Variants in ATP11A observed in about 807,000 individuals in gnomAD.
ATP11A encodes the protein ATPase phospholipid transporting 11A, also known as phospholipid-transporting ATPase IH.
Under a neutral mutation model 154.4 loss-of-function variants are expected in ATP11A, and 81 were observed. That is an observed-to-expected ratio of 0.52 (90% CI 0.44 to 0.63). The LOEUF (loss-of-function observed/expected upper bound fraction) is 0.63, where lower values mean the gene tolerates loss of function less well. ATP11A is among the 30% of genes least tolerant of loss of function. The pLI, the probability that ATP11A is intolerant of heterozygous loss-of-function variation, is 0.00. For synonymous variants in ATP11A, 623 were observed against 585.9 expected (o/e 1.06, Z -0.91); for missense variants, 1,316 against 1,474.3 (o/e 0.89, Z 1.76).
chr13:112,740,039 ATGG>A (rs1008945708), intron 1 of ATP11A, among the ~76,000 whole-genome samples: 1 of 151,990 alleles, frequency 6.6e-6, no homozygotes, highest in African/African-American at 2.4e-5. Context: ...CTAGAATTAG[ATGG>A]TGGTGACGAT....
intron 1 of ATP11A, among the ~76,000 whole-genome samples, chr13:112,724,568 T>C (rs282593): frequency 0.25 from 38,148 of 151,672 alleles, 6,555 homozygotes; most frequent in African/African-American, 0.49. Flanking sequence ...CATCACTGCT[T>C]GGGGGTCTCA....
rs995973314 is a variant in ATP11A, at chr13:112,882,353, A to G, written c.*487A>G. 10 of 373,030 alleles carry G rather than the reference A, an allele frequency of 2.7e-5. No individual in the cohort carries two copies. The highest frequency in any genetic ancestry group is 4.6e-5 in the Non-Finnish European group (9 of 197,320). 23.1% of individuals were successfully genotyped at this position (373,030 alleles called of 1,614,324 possible). On this transcript the variant is annotated 3_prime_UTR_variant, in exon 30 of 30. Transcript: ENST00000375645. This position sits in a 1 kb window ranked among gnomAD's most constrained non-coding sequence, Gnocchi z 5.1. ...TGTCACTGGGAGAGAAGAGCCGTCC[A>G]GGGACCCATGGTGGCCCACATGTGG...
At position 112,827,984 on chromosome 13, in the gene ATP11A, C is replaced by G. The variant is rs76749530; in HGVS notation, c.1221+1093C>G. 2.9e-3 allele frequency among the ~76,000 whole-genome samples: 446 copies of G among 152,382 alleles called. 3 individuals carry two copies. Among genetic ancestry groups the G allele is most frequent in the African/African-American group, 9.4e-3 (392 of 41,588 alleles). ...GTATTTTTATCTAGGAATATTCTAT[C>G]TCCTTTGCAACAATAGATGGTACAT... On this transcript the variant is annotated intron_variant, in intron 12 of 29. Coordinates refer to ENST00000375645, the MANE Select transcript of ATP11A (RefSeq NM_015205.3).
At chr13:112,730,162 G>A (rs1393125250) in intron 1 of ATP11A, among the ~76,000 whole-genome samples, 2 of 152,212 alleles carry the variant, frequency 1.3e-5, no homozygotes, top group Non-Finnish European at 2.9e-5. Flanking sequence ...GGAGCCGTGG[G>A]GCTGGTGACC....
intron 2 of ATP11A, among the ~76,000 whole-genome samples, chr13:112,802,355 AAAG>A (rs1168807606): frequency 2.6e-5 from 4 of 152,126 alleles, no homozygotes; most frequent in Non-Finnish European, 5.9e-5. Context: ...CACAAAAAAA[AAAG>A]AAAAGAATAG....
At chr13:112,726,997 TTAC>T (rs945438138) in intron 1 of ATP11A, among the ~76,000 whole-genome samples, 3 of 152,258 alleles carry the variant, frequency 2.0e-5, no homozygotes. Context: ...TGCGAATTTC[TTAC>T]TATAACTTGG....
chr13:112,842,442 C>T (rs1390242631), intron 17 of ATP11A, 63 bp downstream of exon 17: 17 of 1,199,860 alleles, frequency 1.4e-5, no homozygotes, highest in Middle Eastern at 1.9e-4. Context: ...GAAGGAATTC[C>T]ATGTTCCACA....
chr13:112,852,772 A>C (rs946344385), intron 18 of ATP11A, among the ~76,000 whole-genome samples: 1 of 131,904 alleles, frequency 7.6e-6, no homozygotes, highest in Non-Finnish European at 1.6e-5. Flanking sequence ...GTGGAGAGTT[A>C]ATGCCTGGTT....
At chr13:112,832,069 A>G (rs1474875476) in intron 13 of ATP11A, among the ~76,000 whole-genome samples, 5 of 152,030 alleles carry the variant, frequency 3.3e-5, no homozygotes, top group African/African-American at 9.7e-5. Flanking sequence ...ACATGCTCAC[A>G]TGCAGACACA....
At chr13:112,788,459 G>A (rs1230961121) in intron 2 of ATP11A, among the ~76,000 whole-genome samples, 5 of 149,880 alleles carry the variant, frequency 3.3e-5, no homozygotes, top group Admixed American at 6.6e-5. Flanking sequence ...AGACCCTTGC[G>A]GAGACCTACT....
chr13:112,815,867 C>G (rs960128580), intron 5 of ATP11A, among the ~76,000 whole-genome samples: 2 of 152,176 alleles, frequency 1.3e-5, no homozygotes, highest in Non-Finnish European at 2.9e-5. Context: ...AGGTGTTTGT[C>G]TGTGTTTTTG....
chr13:112,817,068 A>T (rs1016757641), intron 6 of ATP11A, among the ~76,000 whole-genome samples: 1 of 152,358 alleles, frequency 6.6e-6, no homozygotes, highest in Admixed American at 6.5e-5. Context: ...CAGGCAGTTG[A>T]TGCTACAAGA....
At position 112,882,099 on chromosome 13, in the gene ATP11A, G is replaced by T. The variant is rs571116585; in HGVS notation, c.*233G>T. On this transcript the variant is annotated 3_prime_UTR_variant, in exon 30 of 30. Coordinates refer to ENST00000375645, the MANE Select transcript of ATP11A (RefSeq NM_015205.3). The surrounding 1 kb of genome is among the most constrained non-coding windows in gnomAD (Gnocchi z 5.1). ...CTAAGCCTGTGGAGACTGTGCACGT[G>T]CCTCTTCCTGGCCCCCAGCAGGCAA... The T allele has an allele frequency of 1.3e-5, 18 of 1,352,396 alleles. No homozygotes were observed. In the East Asian group the frequency reaches 2.3e-4, roughly 17 times the overall value. 83.8% of individuals were successfully genotyped at this position (1,352,396 alleles called of 1,614,324 possible).
At chr13:112,721,908 G>C (rs1189156160) in intron 1 of ATP11A, among the ~76,000 whole-genome samples, 1 of 152,238 alleles carries the variant, frequency 6.6e-6, no homozygotes, top group Admixed American at 6.5e-5. Context: ...GCAGCCGCTG[G>C]AGGCGCCAAG....
intron 3 of ATP11A, among the ~76,000 whole-genome samples, chr13:112,805,567 G>A (rs184351062): frequency 7.2e-5 from 11 of 151,730 alleles, no homozygotes; most frequent in African/African-American, 9.7e-5. Flanking sequence ...TCCCAGCTAC[G>A]CGGGAGGCTG....
rs749854208 is a variant in ATP11A at position 112,865,553 on chromosome 13, T to TTTG, written c.2991+2991_2991+2993dup. On this transcript the variant is annotated intron_variant, in intron 25 of 29. Coordinates refer to ENST00000375645, the MANE Select transcript of ATP11A (RefSeq NM_015205.3). ...TCCTGCTGAAGTTTTTTTTTGTTTT[T>TTTG]TTGTTGTTGTTGTTGAGACGGAGTC... 1.3e-3 allele frequency among the ~76,000 whole-genome samples: 203 copies of TTTG among 152,328 alleles called. 1 individual carries two copies. In the Middle Eastern group the frequency reaches 0.014, roughly 10 times the overall value.
intron 6 of ATP11A, among the ~76,000 whole-genome samples, chr13:112,818,185 C>G (rs114265220): frequency 7.9e-6 from 1 of 126,996 alleles, no homozygotes; most frequent in Admixed American, 8.1e-5. Flanking sequence ...CGGTGACCGT[C>G]GGTGCGCTTG....
Position 112,792,903 on chromosome 13 carries a change from C to T in ATP11A, c.162+7646C>T, listed in dbSNP as rs1343588646. ...GAATTAAATGTTGGCTTAGACTATA[C>T]TGTCCCTCCATGCCTTCAAGAAAGT... On this transcript the variant is annotated intron_variant, in intron 2 of 29. Coordinates refer to ENST00000375645, the MANE Select transcript of ATP11A (RefSeq NM_015205.3). Among the ~76,000 whole-genome samples the T allele has an allele frequency of 2.6e-5, 4 of 152,234 alleles. No individual in the cohort carries two copies. In the East Asian group the frequency reaches 7.7e-4, roughly 29 times the overall value.
chr13:112,873,721 G>A (rs757271172), intron 27 of ATP11A, 45 bp downstream of exon 27: 1 of 1,560,174 alleles, frequency 6.4e-7, no homozygotes, highest in Admixed American at 1.7e-5. Flanking sequence ...ATATCATGTG[G>A]TTGTTATTTT....
Sources: allele counts gnomAD v4.1 joint callset (sites outside exome capture counted in the v4.1 genomes callset), GRCh38; gene constraint gnomAD v4.1.1; non-coding constraint Gnocchi (gnomAD v3.1); transcripts MANE v1.5; gene names NCBI Gene and HGNC (gene_info 2026-07-23, HGNC 2026-07-21).